SLC10A7: variants seen among roughly 807,000 people sequenced by gnomAD.
The protein encoded by SLC10A7 is sodium/bile acid cotransporter 7.
Under a neutral mutation model 43.2 loss-of-function variants are expected in SLC10A7, and 29 were observed. The ratio of observed to expected loss-of-function variants is 0.67; its 90% CI spans 0.50 to 0.92. SLC10A7 has a LOEUF of 0.92. SLC10A7 is among the 40% of genes least tolerant of loss of function. SLC10A7 has a pLI of 0.00. For synonymous variants in SLC10A7, 152 were observed against 144.8 expected (o/e 1.05, Z -0.35); for missense variants, 295 against 403.2 (o/e 0.73, Z 2.30).
chr4:146,343,886 T>A (rs1187174096), intron 5 of SLC10A7, among the ~76,000 whole-genome samples: 1 of 152,032 alleles, frequency 6.6e-6, no homozygotes, highest in African/African-American at 2.4e-5. Context: ...AAGGAATTTT[T>A]TAAACAAATT....
At chr4:146,348,228 C>T (rs1019906016) in intron 5 of SLC10A7, among the ~76,000 whole-genome samples, 1 of 152,116 alleles carries the variant, frequency 6.6e-6, no homozygotes, top group Admixed American at 6.5e-5. Context: ...AGTTTTCATT[C>T]TAAATGAATG....
chr4:146,452,948 C>A (rs543390436), intron 4 of SLC10A7, among the ~76,000 whole-genome samples: 8 of 151,708 alleles, frequency 5.3e-5, no homozygotes, highest in African/African-American at 1.9e-4. Context: ...AATTTTAATT[C>A]TTTGTTTTAA....
At chr4:146,410,585 G>A (rs1002560365) in intron 5 of SLC10A7, among the ~76,000 whole-genome samples, 1 of 152,096 alleles carries the variant, frequency 6.6e-6, no homozygotes, top group South Asian at 2.1e-4. Context: ...TTTGGATCAA[G>A]GCTAATAAGT....
At chr4:146,491,238 C>T (rs1000131469) in intron 4 of SLC10A7, among the ~76,000 whole-genome samples, 1 of 151,924 alleles carries the variant, frequency 6.6e-6, no homozygotes, top group Non-Finnish European at 1.5e-5. Context: ...CCACAAGCAG[C>T]AGAAGAATTC....
At chr4:146,338,651 T>G (rs555028658) in intron 5 of SLC10A7, among the ~76,000 whole-genome samples, 1 of 151,972 alleles carries the variant, frequency 6.6e-6, no homozygotes, top group East Asian at 1.9e-4. Flanking sequence ...GCAGAGTTAG[T>G]GGAAACACAA....
At position 146,521,670 on chromosome 4, in the gene SLC10A7, T is replaced by C. The variant is rs759178504; in HGVS notation, c.48A>G (p.Ile16Met). The change falls in exon 1 of 12, where the codon ATA (isoleucine) becomes ATG (methionine). Residue 16 changes from isoleucine (I) to methionine (M), a missense_variant. Transcript: ENST00000335472. ...RMRKDWFMVGIVLAIAGAKLE... is the reference protein window; with the variant it reads ...RMRKDWFMVGMVLAIAGAKLE... ...GTTTAGCTCCAGCGATCGCCAGCAC[T>C]ATTCCGACCATGAACCAGTCTTTCC... 1 of 1,614,186 alleles carries C rather than the reference T, an allele frequency of 6.2e-7. No individual in the cohort carries two copies. Among genetic ancestry groups the C allele is most frequent in the South Asian group, 1.1e-5 (1 of 91,082 alleles).
At chr4:146,325,300 A>G (rs74659959) in intron 6 of SLC10A7, among the ~76,000 whole-genome samples, 1 of 152,340 alleles carries the variant, frequency 6.6e-6, no homozygotes, top group African/African-American at 2.4e-5. Context: ...ATGAGATAAC[A>G]TTAATTTCTA....
chr4:146,470,051 G>A (rs894446375), intron 4 of SLC10A7, among the ~76,000 whole-genome samples: 2 of 152,170 alleles, frequency 1.3e-5, no homozygotes, highest in African/African-American at 4.8e-5. Context: ...ACTATGCAAT[G>A]TGGAATGGCT....
chr4:146,378,863 A>C (rs532918383), intron 5 of SLC10A7, among the ~76,000 whole-genome samples: 1 of 152,114 alleles, frequency 6.6e-6, no homozygotes, highest in Non-Finnish European at 1.5e-5. Flanking sequence ...TCAAAGCCCA[A>C]TGGGAAGGCT....
chr4:146,290,979 T>C (rs150425345), intron 9 of SLC10A7, among the ~76,000 whole-genome samples: 26 of 152,330 alleles, frequency 1.7e-4, no homozygotes, highest in African/African-American at 6.0e-4. Flanking sequence ...GAAAGTCCAG[T>C]CTACTCCGTG....
intron 4 of SLC10A7, among the ~76,000 whole-genome samples, chr4:146,493,523 T>C (rs982994690): frequency 2.6e-5 from 4 of 151,754 alleles, no homozygotes; most frequent in African/African-American, 9.7e-5. Flanking sequence ...GAGAGAGATA[T>C]ACCTGATTGT....
chr4:146,400,442 C>A (rs1739150408), intron 5 of SLC10A7, among the ~76,000 whole-genome samples: 1 of 152,088 alleles, frequency 6.6e-6, no homozygotes, highest in Admixed American at 6.6e-5. Flanking sequence ...AGAGCACGAT[C>A]CAGTAGAGGT....
At chr4:146,370,716 T>TA (rs1311787971) in intron 5 of SLC10A7, among the ~76,000 whole-genome samples, 3 of 152,168 alleles carry the variant, frequency 2.0e-5, no homozygotes, top group African/African-American at 7.2e-5. Flanking sequence ...TCAGTAAAAA[T>TA]AAAAATTATT....
chr4:146,427,749 A>T (rs1028744163), intron 5 of SLC10A7, among the ~76,000 whole-genome samples: 2 of 152,230 alleles, frequency 1.3e-5, no homozygotes, highest in African/African-American at 4.8e-5. Context: ...GATTTTAATT[A>T]TTGAAAAGAT....
In SLC10A7 at chr4:146,440,085, G is replaced by A. The variant is rs184696512; in HGVS notation, c.435+2698C>T. On this transcript the variant is annotated intron_variant, in intron 5 of 11. Transcript: ENST00000335472. ...ATATGTAGAATGTACTAGATGTCTC[G>A]ATATCTATTTTCCTCTTCTTTCTTA... Among the ~76,000 whole-genome samples, 6 of 151,988 alleles carry A rather than the reference G, an allele frequency of 3.9e-5. No individual in the cohort carries two copies. In the East Asian group the frequency reaches 7.7e-4, roughly 20 times the overall value.
chr4:146,256,813 C>T, intron 11 of SLC10A7: 2 of 1,508,346 alleles, frequency 1.3e-6, no homozygotes, highest in Non-Finnish European at 1.8e-6. Flanking sequence ...GCAGAGGAGG[C>T]ACTCATGGAT....
At chr4:146,498,492 C>A (rs1247989248) in intron 4 of SLC10A7, among the ~76,000 whole-genome samples, 1 of 152,142 alleles carries the variant, frequency 6.6e-6, no homozygotes, top group Non-Finnish European at 1.5e-5. Context: ...ACAATCACCA[C>A]CAGCTGGACC....
chr4:146,356,219 T>C (rs1050321378), intron 5 of SLC10A7, among the ~76,000 whole-genome samples: 2 of 151,984 alleles, frequency 1.3e-5, no homozygotes, highest in Non-Finnish European at 2.9e-5. Flanking sequence ...TAAAAATCTT[T>C]TACTATGAGT....
intron 5 of SLC10A7, among the ~76,000 whole-genome samples, chr4:146,389,682 C>T (rs13147293): frequency 0.56 from 85,586 of 152,030 alleles, 24,555 homozygotes; most frequent in East Asian, 0.78. Context: ...TCTTTATGAC[C>T]AGGGTTGGTT....
Sources: allele counts gnomAD v4.1 joint callset (sites outside exome capture counted in the v4.1 genomes callset), GRCh38; gene constraint gnomAD v4.1.1; transcripts MANE v1.5; gene names NCBI Gene and HGNC (gene_info 2026-07-23, HGNC 2026-07-21).